DCUN1D5: variants seen among roughly 807,000 people sequenced by gnomAD.
DCUN1D5 encodes the protein defective in cullin neddylation 1 domain containing 5.
In DCUN1D5, 10 loss-of-function variants were observed where a neutral mutation model predicts 38.3. The ratio of observed to expected loss-of-function variants is 0.26; its 90% CI spans 0.16 to 0.44. The LOEUF (loss-of-function observed/expected upper bound fraction) is 0.44, where lower values mean the gene tolerates loss of function less well. Among genes scored for constraint, DCUN1D5 ranks in the 20% least tolerant of loss-of-function variants. The pLI is 1.00. For missense variants in DCUN1D5, 148 were observed against 275.3 expected, an observed-to-expected ratio of 0.54 and a Z score of 3.27; for synonymous variants, 93 against 90.9, an observed-to-expected ratio of 1.02 and a Z score of -0.13.
rs1310918445 is a variant in DCUN1D5, at chr11:103,051,647, T to C, written c.*10712A>G. On this transcript the variant is annotated 3_prime_UTR_variant, in exon 8 of 8. Transcript: ENST00000260247. The stretch of plus-strand genomic sequence containing the variant: ...TTTGGAACCCACTACATTCAAAGCA[T>C]AGCATTAGGTTTTACTTAGCATTTT... 1 of 152,164 alleles carries C rather than the reference T, an allele frequency of 6.6e-6. No homozygotes were observed. The highest frequency in any genetic ancestry group is 1.5e-5 in the Non-Finnish European group (1 of 68,026). The allele number at this position is 152,164 out of a possible 1,614,324, so 9.4% of individuals were successfully genotyped here.
chr11:103,061,537 G>T lies in DCUN1D5; in HGVS notation c.*822C>A, dbSNP rs1591201910. ...TTCTCTCATGATTCCTTATTCTATT[G>T]TCTTCTTTTCCTATGTGTATCTTAA... On this transcript the variant is annotated 3_prime_UTR_variant, in exon 8 of 8. Coordinates refer to ENST00000260247, the MANE Select transcript of DCUN1D5 (RefSeq NM_032299.4). Among the ~76,000 whole-genome samples, 1 of 143,180 alleles carries T rather than the reference G, an allele frequency of 7.0e-6. No individual in the cohort carries two copies. The highest frequency in any genetic ancestry group is 2.2e-4 in the South Asian group (1 of 4,550). The allele number at this position is 143,180 out of a possible 152,430, so 93.9% of individuals were successfully genotyped here.
chr11:103,085,418 C>T (rs948831857), intron 2 of DCUN1D5, among the ~76,000 whole-genome samples: 1 of 152,134 alleles, frequency 6.6e-6, no homozygotes, highest in Admixed American at 6.5e-5. Flanking sequence ...GCGTAGGTGA[C>T]AGAGCGAGAC....
rs770472243 is a variant in DCUN1D5, at chr11:103,077,536, T to C, written c.341+5212A>G. Among the ~76,000 whole-genome samples the C allele has an allele frequency of 1.3e-5, 2 of 152,202 alleles. No homozygotes were observed. Among genetic ancestry groups the C allele is most frequent in the African/African-American group, 2.4e-5 (1 of 41,462 alleles). The stretch of plus-strand genomic sequence containing the variant: ...CACCATTCTCCAAGGCCACTGTAGT[T>C]AGAAAGAGAAGAAATGGGTATTAAT... On this transcript the variant is annotated intron_variant, in intron 4 of 7. Coordinates refer to ENST00000260247, the MANE Select transcript of DCUN1D5 (RefSeq NM_032299.4). This position sits in a 1 kb window ranked among gnomAD's most constrained non-coding sequence, Gnocchi z 4.3.
At chr11:103,082,174 A>C (rs1009157612) in intron 4 of DCUN1D5, among the ~76,000 whole-genome samples, 5 of 152,146 alleles carry the variant, frequency 3.3e-5, no homozygotes, top group African/African-American at 1.2e-4. Context: ...TCTATAACTT[A>C]TGAAAATGTT....
chr11:103,087,035 T>C lies in DCUN1D5; in HGVS notation c.178+2192A>G, dbSNP rs981722003. ...AGTCTCAGTTTTCTCATCTATAAAA[T>C]GAGGGTATGGCCAAGCACAGCAGCT... On this transcript the variant is annotated intron_variant, in intron 2 of 7. Transcript: ENST00000260247. This position sits in a 1 kb window ranked among gnomAD's most constrained non-coding sequence, Gnocchi z 4.1. 2.6e-5 allele frequency among the ~76,000 whole-genome samples: 4 copies of C among 152,120 alleles called. No homozygotes were observed. Among genetic ancestry groups the C allele is most frequent in the African/African-American group, 7.2e-5 (3 of 41,526 alleles).
At chr11:103,070,905 T>A (rs1051195747) in intron 4 of DCUN1D5, among the ~76,000 whole-genome samples, 4 of 151,982 alleles carry the variant, frequency 2.6e-5, no homozygotes, top group Non-Finnish European at 4.4e-5. Context: ...TAGAAATCAA[T>A]AACAGAAAGT....
intron 4 of DCUN1D5, among the ~76,000 whole-genome samples, chr11:103,074,078 A>C (rs746539221): frequency 3.3e-5 from 5 of 152,198 alleles, no homozygotes; most frequent in Non-Finnish European, 5.9e-5. Context: ...GGAGTGCAAC[A>C]GAGTGAGATT....
At chr11:103,075,909 C>T (rs1305766482) in intron 4 of DCUN1D5, among the ~76,000 whole-genome samples, 1 of 152,066 alleles carries the variant, frequency 6.6e-6, no homozygotes, top group East Asian at 1.9e-4. Context: ...TCTGTTAGTG[C>T]AAAAATTATT....
rs1343010627 is a variant in DCUN1D5 at position 103,056,391 on chromosome 11, T to C, written c.*5968A>G. Among the ~76,000 whole-genome samples the C allele has an allele frequency of 6.6e-6, 1 of 152,204 alleles. No individual in the cohort carries two copies. Among genetic ancestry groups the C allele is most frequent in the Non-Finnish European group, 1.5e-5 (1 of 68,036 alleles). On this transcript the variant is annotated 3_prime_UTR_variant, in exon 8 of 8. Transcript: ENST00000260247. The surrounding 1 kb of genome is among the most constrained non-coding windows in gnomAD (Gnocchi z 4.9). Reference sequence around the variant, plus strand: ...TCTGTACCAGCTCAGGGCCTTAGCATGTAATATTCCTTCTGCCTGGAATGC... The same window carrying C: ...TCTGTACCAGCTCAGGGCCTTAGCACGTAATATTCCTTCTGCCTGGAATGC...
chr11:103,086,679 T>A lies in DCUN1D5; in HGVS notation c.178+2548A>T, dbSNP rs562282725. On this transcript the variant is annotated intron_variant, in intron 2 of 7. Coordinates refer to ENST00000260247, the MANE Select transcript of DCUN1D5 (RefSeq NM_032299.4). The surrounding 1 kb of genome is among the most constrained non-coding windows in gnomAD (Gnocchi z 4.1). ...AAGGCAAGTCCCCCAAAGGCAGGGA[T>A]CTTGTCTGACTTGCTCAGCACTATA... is the stretch of plus-strand genomic sequence containing the variant. 6.6e-6 allele frequency among the ~76,000 whole-genome samples: 1 copy of A among 152,290 alleles called. No individual in the cohort carries two copies. The highest frequency in any genetic ancestry group is 1.9e-4 in the East Asian group (1 of 5,184).
chr11:103,064,704 T>C lies in DCUN1D5; in HGVS notation c.556-327A>G, dbSNP rs974260639. 6.6e-6 allele frequency among the ~76,000 whole-genome samples: 1 copy of C among 152,222 alleles called. No homozygotes were observed. Among genetic ancestry groups the C allele is most frequent in the Non-Finnish European group, 1.5e-5 (1 of 68,028 alleles). On this transcript the variant is annotated intron_variant, in intron 6 of 7. Transcript: ENST00000260247. The surrounding 1 kb of genome is among the most constrained non-coding windows in gnomAD (Gnocchi z 4.5). Reference sequence around the variant, plus strand: ...CATTTCCTACATCCAGTATGTTCTATTGTGCTGCTTCCTAGTAAATCATTT... The same window carrying C: ...CATTTCCTACATCCAGTATGTTCTACTGTGCTGCTTCCTAGTAAATCATTT...
In DCUN1D5 at chr11:103,086,410, A is replaced by T. The variant is rs1862709702; in HGVS notation, c.178+2817T>A. Among the ~76,000 whole-genome samples the T allele has an allele frequency of 6.6e-6, 1 of 152,206 alleles. No homozygotes were observed. The highest frequency in any genetic ancestry group is 1.5e-5 in the Non-Finnish European group (1 of 68,046). The stretch of plus-strand genomic sequence containing the variant: ...AATTATTGGCTTCATTTTAATACGG[A>T]CATACCCATTTCAAGACAGAACAGT... On this transcript the variant is annotated intron_variant, in intron 2 of 7. Coordinates refer to ENST00000260247, the MANE Select transcript of DCUN1D5 (RefSeq NM_032299.4). The surrounding 1 kb of genome is among the most constrained non-coding windows in gnomAD (Gnocchi z 4.1).
At chr11:103,085,412 A>C (rs1322296632) in intron 2 of DCUN1D5, among the ~76,000 whole-genome samples, 2 of 152,204 alleles carry the variant, frequency 1.3e-5, no homozygotes, top group Non-Finnish European at 2.9e-5. Flanking sequence ...ACTCCAGCGT[A>C]GGTGACAGAG....
chr11:103,075,666 A>G lies in DCUN1D5; in HGVS notation c.341+7082T>C, dbSNP rs1862391483. ...AGTGCTGGGATTACAGGCGTGAGCC[A>G]CCGGGCCTGGCCAAGATGTTTTTAT... On this transcript the variant is annotated intron_variant, in intron 4 of 7. Transcript: ENST00000260247. 1.3e-5 allele frequency among the ~76,000 whole-genome samples: 2 copies of G among 152,214 alleles called. 1 individual carries two copies. The highest frequency in any genetic ancestry group is 4.1e-4 in the South Asian group (2 of 4,826).
Position 103,061,015 on chromosome 11 carries a change from T to C in DCUN1D5, c.*1344A>G. 6.6e-6 allele frequency among the ~76,000 whole-genome samples: 1 copy of C among 152,134 alleles called. No homozygotes were observed. Among genetic ancestry groups the C allele is most frequent in the Non-Finnish European group, 1.5e-5 (1 of 68,012 alleles). ...GGGTGTTTCAGAAAACTGTACAAAG[T>C]AATCTTATTAAGAAGGCAAGTAAAA... On this transcript the variant is annotated 3_prime_UTR_variant, in exon 8 of 8. Transcript: ENST00000260247.
chr11:103,076,736 T>C (rs7947821), intron 4 of DCUN1D5, among the ~76,000 whole-genome samples: 5,063 of 152,304 alleles, frequency 0.033, 286 homozygotes, highest in African/African-American at 0.12. Flanking sequence ...AAAGATTAAA[T>C]GAGAATCCAT....
In DCUN1D5 at chr11:103,073,532, C is replaced by A. The variant is rs1862331505; in HGVS notation, c.342-6965G>T. Among the ~76,000 whole-genome samples, 1 of 152,122 alleles carries A rather than the reference C, an allele frequency of 6.6e-6. No individual in the cohort carries two copies. The highest frequency in any genetic ancestry group is 1.5e-5 in the Non-Finnish European group (1 of 68,012). On this transcript the variant is annotated intron_variant, in intron 4 of 7. Coordinates refer to ENST00000260247, the MANE Select transcript of DCUN1D5 (RefSeq NM_032299.4). This position sits in a 1 kb window ranked among gnomAD's most constrained non-coding sequence, Gnocchi z 4.2. ...CCTGATTTCAAGTCTTAGTATTTAG[C>A]CACAGTAATCCAGACTGTGTGGTAC...
intron 1 of DCUN1D5, among the ~76,000 whole-genome samples, chr11:103,090,901 G>A (rs1242324513): frequency 6.6e-6 from 1 of 152,130 alleles, no homozygotes; most frequent in Non-Finnish European, 1.5e-5. Context: ...AACAGTGGAA[G>A]ACTCCGTCTC....
Position 103,091,684 on chromosome 11 carries a change from CT to C in DCUN1D5, c.86+102del. 1 of 1,604,772 alleles carries C rather than the reference CT, an allele frequency of 6.2e-7. No homozygotes were observed. Among genetic ancestry groups the C allele is most frequent in the Non-Finnish European group, 8.5e-7 (1 of 1,175,760 alleles). On this transcript the variant is annotated intron_variant, in intron 1 of 7. Coordinates refer to ENST00000260247, the MANE Select transcript of DCUN1D5 (RefSeq NM_032299.4). The surrounding 1 kb of genome is among the most constrained non-coding windows in gnomAD (Gnocchi z 4.3). ...CCTAGCTCGATCAAAGGGGCCTCAC[CT>C]GTCTCCAGCCCCAGCCCGGCAGGCC...
Sources: gnomAD v4.1 joint callset for allele counts (sites outside exome capture counted in the v4.1 genomes callset) on GRCh38, gnomAD v4.1.1 for gene constraint, Gnocchi (gnomAD v3.1) non-coding constraint, MANE v1.5 for transcripts, NCBI Gene and HGNC (gene_info 2026-07-23, HGNC 2026-07-21) for gene names.